Variants in SART3 observed in about 807,000 individuals in gnomAD.
SART3 encodes spliceosome associated factor 3, U4/U6 recycling protein, also known as HIV-1 Tat-interacting protein of 110kDa.
In SART3, 44 loss-of-function variants were observed where a neutral mutation model predicts 122.3. That is an observed-to-expected ratio of 0.36 (90% CI 0.28 to 0.46). The LOEUF (loss-of-function observed/expected upper bound fraction) is 0.46. Ranked by LOEUF, SART3 falls within the 20% of genes least tolerant of loss-of-function variation. The pLI is 1.00. For missense variants in SART3, 1,101 were observed against 1,229.0 expected, an observed-to-expected ratio of 0.90 and a Z score of 1.56; for synonymous variants, 442 against 454.0, an observed-to-expected ratio of 0.97 and a Z score of 0.34.
intron 6 of SART3, 27 bp downstream of exon 6, chr12:108,543,001 T>A: frequency 6.2e-7 from 1 of 1,614,096 alleles, no homozygotes; most frequent in Non-Finnish European, 8.5e-7. Flanking sequence ...TAGAGAGACG[T>A]TTACTATAAA....
At chr12:108,548,379 T>G (rs1481380075) in intron 2 of SART3, among the ~76,000 whole-genome samples, 1 of 152,258 alleles carries the variant, frequency 6.6e-6, no homozygotes, top group Non-Finnish European at 1.5e-5. Context: ...TACATTACAA[T>G]GCAGAAACTA....
intron 6 of SART3, 46 bp from the exon 7 acceptor site, chr12:108,539,135 C>A: frequency 6.2e-7 from 1 of 1,607,756 alleles, no homozygotes; most frequent in Non-Finnish European, 8.5e-7. Context: ...TGGCAGGAAG[C>A]ACAACACATC....
chr12:108,529,319 T>G (rs758047240), intron 15 of SART3, among the ~76,000 whole-genome samples: 10 of 151,754 alleles, frequency 6.6e-5, no homozygotes, highest in Non-Finnish European at 1.3e-4. Flanking sequence ...ACACACACAC[T>G]CCCTACCCTC....
At chr12:108,555,866 G>T (rs1436286634) in intron 1 of SART3, among the ~76,000 whole-genome samples, 2 of 152,054 alleles carry the variant, frequency 1.3e-5, no homozygotes, top group Non-Finnish European at 2.9e-5. Context: ...AAAACACCCT[G>T]CAAGGAAAGA....
intron 1 of SART3, among the ~76,000 whole-genome samples, chr12:108,555,299 T>C (rs996762256): frequency 6.6e-6 from 1 of 152,242 alleles, no homozygotes; most frequent in Non-Finnish European, 1.5e-5. Flanking sequence ...CACTATAAAG[T>C]ACCTAGAAAT....
chr12:108,560,145 T>C (rs1391752952), intron 1 of SART3: 1 of 152,290 alleles, frequency 6.6e-6, no homozygotes, highest in East Asian at 1.9e-4. Context: ...GATTATACAG[T>C]AGATATCACC....
At chr12:108,549,829 AAC>A (rs1428595447) in intron 1 of SART3, among the ~76,000 whole-genome samples, 1 of 151,936 alleles carries the variant, frequency 6.6e-6, no homozygotes, top group Non-Finnish European at 1.5e-5. Flanking sequence ...CAGCCTCAGC[AAC>A]ACAGTCAAAC....
chr12:108,534,549 G>A (rs1872821002), intron 12 of SART3, among the ~76,000 whole-genome samples: 1 of 151,746 alleles, frequency 6.6e-6, no homozygotes, highest in African/African-American at 2.4e-5. Context: ...GTGTGGTGGT[G>A]CACGCCTGTA....
intron 13 of SART3, chr12:108,531,623 T>C: frequency 3.4e-6 from 1 of 295,850 alleles, no homozygotes; most frequent in South Asian, 3.7e-5. Flanking sequence ...ATTTCTTATT[T>C]TTTGGTGGTC....
At chr12:108,544,911 T>C in intron 4 of SART3, 1 of 605,810 alleles carries the variant, frequency 1.7e-6, no homozygotes, top group Non-Finnish European at 2.9e-6. Context: ...AAATTTTCAG[T>C]TCAAGCTAAA....
chr12:108,540,155 T>TA (rs35347136), intron 6 of SART3, among the ~76,000 whole-genome samples: 112,700 of 152,034 alleles, frequency 0.74, 43,651 homozygotes, highest in East Asian at 0.92. Context: ...AATGAGATCT[T>TA]AAAAGCAGTC....
intron 1 of SART3, among the ~76,000 whole-genome samples, chr12:108,558,602 T>C (rs1269307611): frequency 2.0e-5 from 3 of 152,142 alleles, no homozygotes; most frequent in African/African-American, 4.8e-5. Flanking sequence ...CCTCACAGAA[T>C]AGGCTCATCG....
Position 108,561,038 on chromosome 12 carries a change from T to A in SART3, c.117A>T (p.Leu39Phe). The A allele has an allele frequency of 6.2e-7, 1 of 1,614,182 alleles. No homozygotes were observed. The highest frequency in any genetic ancestry group is 1.1e-5 in the South Asian group (1 of 91,084). ...ATGTCGCAGCGGCCACAGCCCGCGA[T>A]AACACCTTCCTCCTTGTCCTAGCCG... The part of the protein sequence containing the change: ...VKAARTRRKV[L>F]SRAVAAATYK... The change falls in exon 1 of 19, where the codon TTA (leucine) becomes TTT (phenylalanine). Residue 39 changes from leucine (L) to phenylalanine (F), a missense_variant. Leu to Phe is a conservative substitution (Grantham distance 22, BLOSUM62 0). This residue lies in a region of SART3 where 216 missense variants were observed against 148.9 expected (regional missense o/e 1.45). Coordinates refer to ENST00000546815, the MANE Select transcript of SART3 (RefSeq NM_014706.4).
intron 1 of SART3, among the ~76,000 whole-genome samples, chr12:108,557,091 A>AT (rs2030252542): frequency 6.6e-6 from 1 of 152,206 alleles, no homozygotes; most frequent in Non-Finnish European, 1.5e-5. Flanking sequence ...AAGTACATAT[A>AT]TTAAATACAT....
In SART3 at chr12:108,524,478, T is replaced by G; in HGVS notation, c.2552A>C (p.Glu851Ala). 4 of 1,614,218 alleles carry G rather than the reference T, an allele frequency of 2.5e-6. No homozygotes were observed. Among genetic ancestry groups the G allele is most frequent in the Non-Finnish European group, 3.4e-6 (4 of 1,180,042 alleles). The change falls in exon 18 of 19, where the codon GAA becomes GCA. Residue 851 changes from glutamate to alanine, a missense_variant. Glu to Ala is a moderately radical substitution (Grantham distance 107, BLOSUM62 -1). This residue lies in a region of SART3 where 885 missense variants were observed against 1,080.1 expected (regional missense o/e 0.82). Coordinates refer to ENST00000546815, the MANE Select transcript of SART3 (RefSeq NM_014706.4). Reference sequence around the variant, plus strand: ...CATCACAGCCTGCGACGCCTGGGATTCATTTTCATACTCCACGTAGGCCAG... The same window carrying G: ...CATCACAGCCTGCGACGCCTGGGATGCATTTTCATACTCCACGTAGGCCAG... ...KGLAYVEYEN[E>A]SQASQAVMKM...
chr12:108,555,632 T>A (rs1191012973), intron 1 of SART3, among the ~76,000 whole-genome samples: 1 of 152,160 alleles, frequency 6.6e-6, no homozygotes, highest in Non-Finnish European at 1.5e-5. Flanking sequence ...GCCACTGTAC[T>A]CCAGCCTGGG....
intron 3 of SART3, among the ~76,000 whole-genome samples, chr12:108,547,185 G>A (rs1873465847): frequency 6.6e-6 from 1 of 152,166 alleles, no homozygotes; most frequent in Admixed American, 6.5e-5. Context: ...TTCACATGGA[G>A]AAAATATTTA....
At chr12:108,557,541 C>A in intron 1 of SART3, among the ~76,000 whole-genome samples, 1 of 152,172 alleles carries the variant, frequency 6.6e-6, no homozygotes, top group East Asian at 1.9e-4. Flanking sequence ...TGGAGCAGCA[C>A]CTATTATGCG....
chr12:108,554,989 T>C (rs2030157171), intron 1 of SART3, among the ~76,000 whole-genome samples: 2 of 152,218 alleles, frequency 1.3e-5, no homozygotes, highest in Admixed American at 1.3e-4. Context: ...ACTGTATGAT[T>C]CCACTTATAT....
Sources: allele counts gnomAD v4.1 joint callset (sites outside exome capture counted in the v4.1 genomes callset), GRCh38; gene constraint gnomAD v4.1.1; regional missense constraint gnomAD v4.1.1; transcripts MANE v1.5; gene names NCBI Gene and HGNC (gene_info 2026-07-23, HGNC 2026-07-21).